The following RHPN1 variants were observed in gnomAD, a reference collection of about 807,000 sequenced individuals.
RHPN1 encodes rhophilin-1.
In RHPN1, 77 loss-of-function variants were observed where a neutral mutation model predicts 74.7. The observed-to-expected ratio is 1.03, with a 90% CI of 0.86 to 1.25. The LOEUF is 1.25. Among genes scored for constraint, RHPN1 ranks in the 50% most tolerant of loss-of-function variants. The probability of loss-of-function intolerance (pLI) is 0.00; values close to 1 mark genes in which losing one functional copy is unlikely to be tolerated. For missense variants in RHPN1, 987 were observed against 932.2 expected, an observed-to-expected ratio of 1.06 and a Z score of -0.77; for synonymous variants, 444 against 414.5, an observed-to-expected ratio of 1.07 and a Z score of -0.87.
At position 143,382,732 on chromosome 8, in the gene RHPN1, C is replaced by CTGGGT; in HGVS notation, c.*81_*82insTGGGT. Reference sequence around the variant, plus strand: ...CATGCCCTCCCCACCCAGAGGACCTCCGGGCAATGCCTGTCCCGCCTCATG... The same window carrying CTGGGT: ...CATGCCCTCCCCACCCAGAGGACCTCTGGGTCGGGCAATGCCTGTCCCGCCTCATG... On this transcript the variant is annotated 3_prime_UTR_variant, in exon 15 of 15. Coordinates refer to ENST00000289013, the MANE Select transcript of RHPN1 (RefSeq NM_052924.3). 8.3e-7 allele frequency: 1 copy of CTGGGT among 1,203,336 alleles called. No homozygotes were observed. The highest frequency in any genetic ancestry group is 1.4e-5 in the South Asian group (1 of 71,464). 74.5% of individuals were successfully genotyped at this position (1,203,336 alleles called of 1,614,324 possible).
Position 143,382,455 on chromosome 8 carries a change from T to C in RHPN1, c.1817T>C (p.Leu606Pro), listed in dbSNP as rs1473921673. ...CTGCAGGGGGACCGCCGGCCCGTCC[T>C]GCTGGGCCCCAGGGGGCTTCTAAGG... ...LPSLGDRRPV[L>P]LGPRGLLRSQ... is the part of the protein sequence containing the mutation. The change falls in exon 15 of 15, where the codon CTG becomes CCG. Residue 606 changes from leucine to proline, a missense_variant. Leu to Pro is a moderately conservative substitution (Grantham distance 98). Transcript: ENST00000289013. 3 of 1,579,532 alleles carry C rather than the reference T, an allele frequency of 1.9e-6. No homozygotes were observed. Among genetic ancestry groups the C allele is most frequent in the Non-Finnish European group, 1.7e-6 (2 of 1,163,958 alleles).
rs955345281 is a variant in RHPN1 at position 143,384,109 on chromosome 8, C to G, written c.*1458C>G. ...ACCTGCCTGAGCCGGGGTGGGGGTC[C>G]AGGTCCCCCACTTGCCCTTGTGGGA... On this transcript the variant is annotated 3_prime_UTR_variant, in exon 15 of 15. Coordinates refer to ENST00000289013, the MANE Select transcript of RHPN1 (RefSeq NM_052924.3). 2 of 152,290 alleles carry G rather than the reference C, an allele frequency of 1.3e-5. No individual in the cohort carries two copies. The highest frequency in any genetic ancestry group is 2.9e-5 in the Non-Finnish European group (2 of 68,012). The allele number at this position is 152,290 out of a possible 1,614,324, so 9.4% of individuals were successfully genotyped here.
At chr8:143,372,682 G>T (rs959824258) in intron 1 of RHPN1, among the ~76,000 whole-genome samples, 1 of 151,530 alleles carries the variant, frequency 6.6e-6, no homozygotes, top group Non-Finnish European at 1.5e-5. Flanking sequence ...CCTCCGTCAG[G>T]CTCCCTCACC....
At chr8:143,371,416 A>C (rs1817813115) in intron 1 of RHPN1, among the ~76,000 whole-genome samples, 1 of 151,950 alleles carries the variant, frequency 6.6e-6, no homozygotes, top group Non-Finnish European at 1.5e-5. Flanking sequence ...GAAGGGAAAA[A>C]GCTGGTTTGC....
intron 10 of RHPN1, 84 bp from the exon 11 acceptor site, chr8:143,380,505 G>C: frequency 7.8e-7 from 1 of 1,287,350 alleles, no homozygotes; most frequent in African/African-American, 1.5e-5. Context: ...GAGCCCCACA[G>C]CCCTGGCGTT....
At chr8:143,376,076 G>T (rs753053264) in intron 2 of RHPN1, among the ~76,000 whole-genome samples, 6 of 152,252 alleles carry the variant, frequency 3.9e-5, no homozygotes, top group Non-Finnish European at 7.3e-5. Context: ...ACATGTGCGT[G>T]TGAGTGCCCC....
intron 1 of RHPN1, among the ~76,000 whole-genome samples, chr8:143,369,719 T>A (rs1158890279): frequency 6.6e-6 from 1 of 152,154 alleles, no homozygotes; most frequent in Non-Finnish European, 1.5e-5. Flanking sequence ...GCTGCCCCAG[T>A]CCTCCTGCCA....
At chr8:143,368,050 T>C (rs994993238), upstream of RHPN1, 18 of 153,168 alleles carry the variant, frequency 1.2e-4, no homozygotes, top group African/African-American at 4.3e-4. Flanking sequence ...GTTCTGAAAA[T>C]AGGTCAGTCC....
At position 143,381,841 on chromosome 8, in the gene RHPN1, C is replaced by T; in HGVS notation, c.1670C>T (p.Ser557Leu). 6.2e-7 allele frequency: 1 copy of T among 1,613,054 alleles called. No individual in the cohort carries two copies. The highest frequency in any genetic ancestry group is 8.5e-7 in the Non-Finnish European group (1 of 1,179,746). Residue 557 changes from serine (S) to leucine (L), a missense_variant, in exon 14 of 15, where the codon TCA becomes TTA. Physicochemically the swap from Ser to Leu is moderately radical, Grantham distance 145. Transcript: ENST00000289013. The part of the protein sequence containing the change: ...AGLKEGDYIV[S>L]VNGQPCRWWR... ...CTGAAGGAGGGCGACTACATTGTGT[C>T]AGTGAATGGGCAGCCATGCAGGTGG...
chr8:143,374,134 G>A (rs1818051603), intron 1 of RHPN1: 2 of 985,398 alleles, frequency 2.0e-6, no homozygotes, highest in African/African-American at 1.7e-5. Context: ...ACTCTCTCCA[G>A]ATATCTAGGA....
intron 1 of RHPN1, among the ~76,000 whole-genome samples, chr8:143,375,222 G>A (rs539266621): frequency 7.0e-4 from 106 of 152,124 alleles, no homozygotes; most frequent in Admixed American, 1.4e-3. Context: ...CAGGGCTCCC[G>A]GAGCCCCTAC....
chr8:143,373,896 C>T (rs953072394), intron 1 of RHPN1, among the ~76,000 whole-genome samples: 1 of 152,036 alleles, frequency 6.6e-6, no homozygotes, highest in Non-Finnish European at 1.5e-5. Context: ...CTGCAAAGAC[C>T]CTATTTCTAG....
At chr8:143,369,794 G>A (rs909842750) in intron 1 of RHPN1, among the ~76,000 whole-genome samples, 7 of 152,238 alleles carry the variant, frequency 4.6e-5, no homozygotes, top group African/African-American at 1.7e-4. Context: ...CTCGCCCCGG[G>A]TGAGCCTTTG....
rs369951422 is a variant in RHPN1 at position 143,379,496 on chromosome 8, G to T, written c.933G>T (p.Gln311His). ...QDCLAQLRLAQEAAQVAAEYR... is the reference protein window; with the variant it reads ...QDCLAQLRLAHEAAQVAAEYR... The stretch of plus-strand genomic sequence containing the variant: ...GCCTGGCCCAGCTGCGCCTGGCGCA[G>T]GAGGCCGCCCAGGTGAGCTCGGGCA... The change falls in exon 8 of 15, where the codon CAG (glutamine) becomes CAT (histidine). Residue 311 changes from glutamine to histidine, a missense_variant. Physicochemically the swap from Gln to His is conservative, Grantham distance 24. Coordinates refer to ENST00000289013, the MANE Select transcript of RHPN1 (RefSeq NM_052924.3). The T allele has an allele frequency of 4.5e-6, 7 of 1,555,320 alleles. No individual in the cohort carries two copies. The African/African-American group carries it at 9.6e-5, about 21-fold the overall frequency.
chr8:143,368,872 G>T, upstream of RHPN1: 1 of 644,412 alleles, frequency 1.6e-6, no homozygotes, highest in Non-Finnish European at 2.2e-6. Flanking sequence ...GGACCGGCGC[G>T]GGCACTCAGG....
chr8:143,383,667 G>C lies in RHPN1; in HGVS notation c.*1016G>C, dbSNP rs1490715850. ...GGCTGCACCCAAGAGGAGCCACGGA[G>C]CCGGAGCCGGAGCGGAGGCCCCCAC... is the stretch of plus-strand genomic sequence containing the variant. On this transcript the variant is annotated 3_prime_UTR_variant, in exon 15 of 15. Transcript: ENST00000289013. 2 of 152,230 alleles carry C rather than the reference G, an allele frequency of 1.3e-5. No individual in the cohort carries two copies. Among genetic ancestry groups the C allele is most frequent in the African/African-American group, 4.8e-5 (2 of 41,408 alleles). 9.4% of individuals were successfully genotyped at this position (152,230 alleles called of 1,614,324 possible).
Position 143,374,252 on chromosome 8 carries a change from C to T in RHPN1, c.61-1301C>T, listed in dbSNP as rs562622116. 2.3e-4 allele frequency: 224 copies of T among 985,420 alleles called. No individual in the cohort carries two copies. The African/African-American group carries it at 3.6e-3, about 16-fold the overall frequency. 61.0% of individuals were successfully genotyped at this position (985,420 alleles called of 1,614,324 possible). Reference sequence around the variant, plus strand: ...GGTCCACAGAGGGGAAGACCCAGTGCGTGTGCACGTTGGCCCCATGAATCC... The same window carrying T: ...GGTCCACAGAGGGGAAGACCCAGTGTGTGTGCACGTTGGCCCCATGAATCC... On this transcript the variant is annotated intron_variant, in intron 1 of 14. Coordinates refer to ENST00000289013, the MANE Select transcript of RHPN1 (RefSeq NM_052924.3).
In RHPN1 at chr8:143,375,575, T is replaced by C. The variant is rs998128924; in HGVS notation, c.83T>C (p.Ile28Thr). Residue 28 changes from isoleucine (I) to threonine (T), a missense_variant, in exon 2 of 15, where the codon ATC becomes ACC. Transcript: ENST00000289013. Reference sequence around the variant, plus strand: ...CAGGGCTGTGACTCCCTGACGCAGATCCAGTGCGGCCAGCTGCAGAGCCGC... The same window carrying C: ...CAGGGCTGTGACTCCCTGACGCAGACCCAGTGCGGCCAGCTGCAGAGCCGC... ...RLQGCDSLTQ[I>T]QCGQLQSRRA... 9 of 1,602,082 alleles carry C rather than the reference T, an allele frequency of 5.6e-6. No individual in the cohort carries two copies. The highest frequency in any genetic ancestry group is 7.7e-6 in the Non-Finnish European group (9 of 1,176,032).
intron 1 of RHPN1, among the ~76,000 whole-genome samples, chr8:143,371,144 C>T (rs746165487): frequency 2.0e-5 from 3 of 152,170 alleles, no homozygotes; most frequent in Non-Finnish European, 4.4e-5. Flanking sequence ...GGAGTCCCTG[C>T]CGTGAGTGGC....
Sources: gnomAD v4.1 joint callset for allele counts (sites outside exome capture counted in the v4.1 genomes callset) on GRCh38, gnomAD v4.1.1 for gene constraint, MANE v1.5 for transcripts, NCBI Gene and HGNC (gene_info 2026-07-23, HGNC 2026-07-21) for gene names.